Variants in PRCC observed in about 807,000 individuals in gnomAD.
The protein encoded by PRCC is proline-rich protein PRCC.
PRCC carries 10 observed loss-of-function variants against 44.0 expected under a neutral mutation model. The ratio of observed to expected loss-of-function variants is 0.23; its 90% CI spans 0.14 to 0.39. The LOEUF (loss-of-function observed/expected upper bound fraction) is 0.39, where lower values mean the gene tolerates loss of function less well. Among genes scored for constraint, PRCC ranks in the 10% least tolerant of loss-of-function variants. The pLI is 1.00. For synonymous variants in PRCC, 278 were observed against 259.5 expected (o/e 1.07, Z -0.69); for missense variants, 573 against 624.7 (o/e 0.92, Z 0.88).
chr1:156,775,219 G>T (rs1024227846), intron 1 of PRCC, among the ~76,000 whole-genome samples: 4 of 152,028 alleles, frequency 2.6e-5, no homozygotes, highest in Non-Finnish European at 5.9e-5. Context: ...CTGCACTCCA[G>T]CCTGGGCTGC....
chr1:156,798,673 G>A (rs1052394048), intron 6 of PRCC, among the ~76,000 whole-genome samples: 1 of 151,926 alleles, frequency 6.6e-6, no homozygotes, highest in Non-Finnish European at 1.5e-5. Context: ...TGACCAACAT[G>A]GTGAAACCCT....
chr1:156,788,941 C>T (rs1174803298), intron 3 of PRCC, among the ~76,000 whole-genome samples: 4 of 151,626 alleles, frequency 2.6e-5, no homozygotes, highest in African/African-American at 9.7e-5. Context: ...GCTGGGGTTA[C>T]AGAGGTGAGC....
rs370116830 is a variant in PRCC at position 156,786,696 on chromosome 1, A to T, written c.605A>T (p.His202Leu). Residue 202 changes from histidine to leucine, a missense_variant, in exon 3 of 7, where the codon CAT becomes CTT. His to Leu is a moderately conservative substitution (Grantham distance 99). Around this residue, in one of 4 missense-constraint regions of PRCC, gnomAD observed 118 missense variants for 166.7 expected, o/e 0.71. Transcript: ENST00000271526. ...GAGACTAACAGGTTGCTCCTGCCCCATGCCTTCTCCCGCAAACCCTCGGAT... is the reference window on the plus strand; with the variant it reads ...GAGACTAACAGGTTGCTCCTGCCCCTTGCCTTCTCCCGCAAACCCTCGGAT... ...VKETNRLLLP[H>L]AFSRKPSDGS... The T allele has an allele frequency of 3.7e-4, 605 of 1,614,136 alleles. 10 individuals carry two copies. The South Asian group carries it at 6.3e-3, about 17-fold the overall frequency.
At chr1:156,783,349 C>T (rs1349720325) in intron 2 of PRCC, among the ~76,000 whole-genome samples, 4 of 152,170 alleles carry the variant, frequency 2.6e-5, no homozygotes, top group African/African-American at 9.7e-5. Context: ...TTATCCTGGC[C>T]CCCAGAAGTT....
In PRCC at chr1:156,787,023, C is replaced by T. The variant is rs2102765585; in HGVS notation, c.932C>T (p.Ala311Val). Residue 311 changes from alanine to valine, a missense_variant, in exon 3 of 7, where the codon GCT (alanine) becomes GTT (valine). Coordinates refer to ENST00000271526, the MANE Select transcript of PRCC (RefSeq NM_005973.5). ...CCTCCAGGCACGGAACCAGAGCCGG[C>T]TTTCCAGGACGATGCAGCCAATGCC... ...ELPPGTEPEP[A>V]FQDDAANAPL... 5 of 1,614,252 alleles carry T rather than the reference C, an allele frequency of 3.1e-6. No individual in the cohort carries two copies. In the East Asian group the frequency reaches 1.1e-4, roughly 36 times the overall value.
At chr1:156,797,572 A>T (rs1652702199) in intron 6 of PRCC, among the ~76,000 whole-genome samples, 1 of 152,222 alleles carries the variant, frequency 6.6e-6, no homozygotes, top group East Asian at 1.9e-4. Context: ...GCTTAGAATA[A>T]AACTCTTAAG....
chr1:156,769,816 G>A (rs560748117), intron 1 of PRCC, among the ~76,000 whole-genome samples: 19 of 152,108 alleles, frequency 1.2e-4, no homozygotes, highest in Non-Finnish European at 2.5e-4. Context: ...TAGCCAGGAT[G>A]GTCTCGATCT....
chr1:156,782,069 A>G (rs1652067129), intron 1 of PRCC, among the ~76,000 whole-genome samples: 2 of 152,324 alleles, frequency 1.3e-5, no homozygotes, highest in South Asian at 4.1e-4. Context: ...TAATCAAGGG[A>G]GGCCAAGGCA....
At chr1:156,793,938 CT>C (rs1652573533) in intron 4 of PRCC, among the ~76,000 whole-genome samples, 1 of 139,908 alleles carries the variant, frequency 7.1e-6, no homozygotes, top group Admixed American at 7.8e-5. Context: ...GCTCTATATT[CT>C]TTTTTTCTTT....
chr1:156,783,846 C>G (rs906878944), intron 2 of PRCC, among the ~76,000 whole-genome samples: 1 of 152,048 alleles, frequency 6.6e-6, no homozygotes, highest in African/African-American at 2.4e-5. Flanking sequence ...TCTCCTGACT[C>G]AGTTAAAGTT....
chr1:156,793,278 G>A (rs1008629630), intron 4 of PRCC, among the ~76,000 whole-genome samples: 3 of 152,134 alleles, frequency 2.0e-5, no homozygotes, highest in Admixed American at 6.5e-5. Flanking sequence ...CCCAGTTAGT[G>A]GCAAAAGTCA....
rs1222403163 is a variant in PRCC, at chr1:156,786,990, A to G, written c.899A>G (p.Glu300Gly). Residue 300 changes from glutamate to glycine, a missense_variant, in exon 3 of 7, where the codon GAA becomes GGA. Physicochemically the swap from Glu to Gly is moderately conservative, Grantham distance 98 (BLOSUM62 -2). Around this residue, in one of 4 missense-constraint regions of PRCC, gnomAD observed 141 missense variants for 130.2 expected, o/e 1.08. Coordinates refer to ENST00000271526, the MANE Select transcript of PRCC (RefSeq NM_005973.5). ...PYPYPIPTVPEELPPGTEPEP... is the reference protein window; with the variant it reads ...PYPYPIPTVPGELPPGTEPEP... ...CCTTACCCCATCCCCACTGTCCCTGAAGAGCTGCCTCCAGGCACGGAACCA... is the reference window on the plus strand; with the variant it reads ...CCTTACCCCATCCCCACTGTCCCTGGAGAGCTGCCTCCAGGCACGGAACCA... The G allele has an allele frequency of 6.2e-7, 1 of 1,614,116 alleles. No homozygotes were observed. The highest frequency in any genetic ancestry group is 8.5e-7 in the Non-Finnish European group (1 of 1,180,034).
chr1:156,781,554 G>C (rs900976837), intron 1 of PRCC, among the ~76,000 whole-genome samples: 2 of 152,192 alleles, frequency 1.3e-5, no homozygotes, highest in Non-Finnish European at 2.9e-5. Flanking sequence ...AAGGTGCCAA[G>C]GAACTGAGAT....
rs1553251847 is a variant in PRCC, at chr1:156,768,166, C to A, written c.395C>A (p.Pro132Gln). The A allele has an allele frequency of 6.4e-7, 1 of 1,554,008 alleles. No individual in the cohort carries two copies. Among genetic ancestry groups the A allele is most frequent in the South Asian group, 1.2e-5 (1 of 84,580 alleles). The stretch of plus-strand genomic sequence containing the variant: ...CCTCCAATTGGCGGTGCCGGTCCCC[C>A]GCTGGGGCTTCCCAAGCCAAAGAAG... ...LPPPIGGAGPPLGLPKPKKRK... is the reference protein window; with the variant it reads ...LPPPIGGAGPQLGLPKPKKRK... The change falls in exon 1 of 7, where the codon CCG becomes CAG. Residue 132 changes from proline to glutamine, a missense_variant. By Grantham distance (76) the Pro-to-Gln change is moderately conservative (BLOSUM62 -1). Transcript: ENST00000271526.
At chr1:156,791,925 A>G in intron 4 of PRCC, 133 bp downstream of exon 4, 1 of 776,670 alleles carries the variant, frequency 1.3e-6, no homozygotes, top group Non-Finnish European at 2.1e-6. Context: ...GCAACATGTA[A>G]TGGAGAAACT....
At position 156,774,413 on chromosome 1, in the gene PRCC, T is replaced by G. The variant is rs1651746557; in HGVS notation, c.468+6174T>G. Among the ~76,000 whole-genome samples the G allele has an allele frequency of 3.3e-5, 5 of 151,782 alleles. No homozygotes were observed. The South Asian group carries it at 1.0e-3, about 32-fold the overall frequency. On this transcript the variant is annotated intron_variant, in intron 1 of 6. Transcript: ENST00000271526. The stretch of plus-strand genomic sequence containing the variant: ...TGGTCTCGAACCCCTGACCTCGTGA[T>G]CCGCCCGTCTCGGGCTCCCAAAGTG...
chr1:156,791,197 A>G (rs1266274205), intron 3 of PRCC: 2 of 1,339,598 alleles, frequency 1.5e-6, no homozygotes, highest in Admixed American at 3.9e-5. Flanking sequence ...TGGTTATTTT[A>G]AATCAGAGAT....
intron 1 of PRCC, among the ~76,000 whole-genome samples, chr1:156,771,060 G>A (rs560522553): frequency 6.6e-6 from 1 of 152,330 alleles, no homozygotes; most frequent in South Asian, 2.1e-4. Context: ...GTCCAGTCTT[G>A]GGAGGTTGGG....
chr1:156,792,053 CTTTTTTTTTTTTTT>C (rs67388360), intron 4 of PRCC, among the ~76,000 whole-genome samples: 67 of 58,450 alleles, frequency 1.1e-3, no homozygotes, highest in African/African-American at 3.0e-3. Flanking sequence ...TAGTCCCCTT[CTTTTTTTTTTTTTT>C]TTTTTTTTTT....
Sources: gnomAD v4.1 joint callset for allele counts (sites outside exome capture counted in the v4.1 genomes callset) on GRCh38, gnomAD v4.1.1 for gene constraint, gnomAD v4.1.1 regional missense constraint, MANE v1.5 for transcripts, NCBI Gene and HGNC (gene_info 2026-07-23, HGNC 2026-07-21) for gene names.